ATF7: variants seen among roughly 807,000 people sequenced by gnomAD.
ATF7 encodes activating transcription factor 7.
In ATF7, 10 loss-of-function variants were observed where a neutral mutation model predicts 50.4. The ratio of observed to expected loss-of-function variants is 0.20; its 90% CI spans 0.12 to 0.34. The LOEUF (loss-of-function observed/expected upper bound fraction) is 0.34. Ranked by LOEUF, ATF7 falls within the 10% of genes least tolerant of loss-of-function variation. The pLI, the probability that ATF7 is intolerant of heterozygous loss-of-function variation, is 1.00. For missense variants in ATF7, 465 were observed against 613.9 expected (o/e 0.76, Z 2.56); for synonymous variants, 201 against 226.4 (o/e 0.89, Z 1.01).
chr12:53,573,907 G>A (rs886509201), intron 2 of ATF7, among the ~76,000 whole-genome samples: 2 of 152,164 alleles, frequency 1.3e-5, no homozygotes, highest in African/African-American at 4.8e-5. Context: ...TTATAGTCCA[G>A]GGCATAGGCT....
intron 1 of ATF7, among the ~76,000 whole-genome samples, chr12:53,621,333 G>C (rs1189071462): frequency 6.6e-6 from 1 of 152,016 alleles, no homozygotes; most frequent in Non-Finnish European, 1.5e-5. Context: ...GTTTACCAGT[G>C]ACCTAAAACA....
chr12:53,591,214 T>C (rs982465672), intron 2 of ATF7, among the ~76,000 whole-genome samples: 3 of 152,000 alleles, frequency 2.0e-5, no homozygotes, highest in Non-Finnish European at 2.9e-5. Context: ...TTTTTTTAAA[T>C]AGAGGAAACA....
chr12:53,509,396 A>G (rs576265996), downstream of ATF7, among the ~76,000 whole-genome samples: 7 of 151,498 alleles, frequency 4.6e-5, no homozygotes, highest in Non-Finnish European at 8.8e-5. Context: ...TGTGACTTCT[A>G]CTCGGGGTCT....
At position 53,524,479 on chromosome 12, in the gene ATF7, T is replaced by G; in HGVS notation, c.1125+85A>C. 6.9e-7 allele frequency: 1 copy of G among 1,442,056 alleles called. No homozygotes were observed. The allele number at this position is 1,442,056 out of a possible 1,614,324, so 89.3% of individuals were successfully genotyped here. A position where few individuals can be genotyped will look rare whatever the true frequency, so the allele number is the denominator to read the frequency against. ...TGTCCTAATTAGAGAATTACCATCTTCTATCAAATTGTACCACTTTTTTCT... is the reference window on the plus strand; with the variant it reads ...TGTCCTAATTAGAGAATTACCATCTGCTATCAAATTGTACCACTTTTTTCT... On this transcript the variant is annotated intron_variant, in intron 10 of 11. Coordinates refer to ENST00000420353, the MANE Select transcript of ATF7 (RefSeq NM_006856.3). This position sits in a 1 kb window ranked among gnomAD's most constrained non-coding sequence, Gnocchi z 4.6.
At chr12:53,619,108 A>T (rs1944270787) in intron 1 of ATF7, among the ~76,000 whole-genome samples, 1 of 152,102 alleles carries the variant, frequency 6.6e-6, no homozygotes, top group African/African-American at 2.4e-5. Flanking sequence ...AGATGTCAAC[A>T]TTACAGGGAA....
At chr12:53,595,642 G>A (rs1268115636) in intron 2 of ATF7, among the ~76,000 whole-genome samples, 1 of 152,178 alleles carries the variant, frequency 6.6e-6, no homozygotes, top group Non-Finnish European at 1.5e-5. Context: ...AGGATACGAA[G>A]CAATAAACAG....
chr12:53,615,277 G>A (rs1169663550), intron 1 of ATF7, among the ~76,000 whole-genome samples: 8 of 152,014 alleles, frequency 5.3e-5, no homozygotes, highest in African/African-American at 1.2e-4. Flanking sequence ...CCAGCTACTC[G>A]GGAGGCTGAG....
Position 53,524,767 on chromosome 12 carries a change from G to A in ATF7, c.928-6C>T, listed in dbSNP as rs758466767. 6 of 1,588,098 alleles carry A rather than the reference G, an allele frequency of 3.8e-6. No individual in the cohort carries two copies. Among genetic ancestry groups the A allele is most frequent in the Admixed American group, 1.8e-5 (1 of 55,482 alleles). ...GTGGGCTGAGCTGGTGAGACCTGGT[G>A]CCCAGGAAGGAAGAGAGGTTACTTG... On this transcript the variant is annotated splice_polypyrimidine_tract_variant and splice_region_variant and intron_variant, in intron 9 of 11. Coordinates refer to ENST00000420353, the MANE Select transcript of ATF7 (RefSeq NM_006856.3). This position sits in a 1 kb window ranked among gnomAD's most constrained non-coding sequence, Gnocchi z 4.6.
chr12:53,558,017 G>A lies in ATF7; in HGVS notation c.49-5380C>T, dbSNP rs547393422. ...ATCAAAACTTACCTATGTGGCTCAC[G>A]TTTGTGGTTTGCATTGTATTTCTTT... is the stretch of plus-strand genomic sequence containing the variant. On this transcript the variant is annotated intron_variant, in intron 2 of 11. Coordinates refer to ENST00000420353, the MANE Select transcript of ATF7 (RefSeq NM_006856.3). Among the ~76,000 whole-genome samples, 10 of 152,212 alleles carry A rather than the reference G, an allele frequency of 6.6e-5. No homozygotes were observed. The South Asian group carries it at 2.1e-3, about 32-fold the overall frequency.
intron 1 of ATF7, among the ~76,000 whole-genome samples, chr12:53,602,435 C>T (rs1305849075): frequency 6.6e-6 from 1 of 152,182 alleles, no homozygotes; most frequent in African/African-American, 2.4e-5. Flanking sequence ...TCTCTTAGGA[C>T]TCACTGTGGG....
rs193214220 is a variant in ATF7 at position 53,619,594 on chromosome 12, C to A, written c.-22+6685G>T. ...TTGGGAGGCCAAAGCAGGCAGATCA[C>A]CTGAACTTAGGAATTCAAGACCAGC... On this transcript the variant is annotated intron_variant, in intron 1 of 11. Transcript: ENST00000420353. Among the ~76,000 whole-genome samples the A allele has an allele frequency of 6.0e-3, 915 of 151,760 alleles. 11 individuals are homozygous for A. Among genetic ancestry groups the A allele is most frequent in the African/African-American group, 0.021 (883 of 41,360 alleles).
chr12:53,539,172 C>G (rs1469352654), intron 4 of ATF7, among the ~76,000 whole-genome samples: 2 of 152,208 alleles, frequency 1.3e-5, no homozygotes, highest in Non-Finnish European at 2.9e-5. Context: ...AAAGGGCTGA[C>G]TATAAACTAG....
chr12:53,519,758 A>AT (rs1369509573), intron 11 of ATF7, among the ~76,000 whole-genome samples: 2 of 151,878 alleles, frequency 1.3e-5, no homozygotes, highest in East Asian at 1.9e-4. Flanking sequence ...TTTTTTTGGT[A>AT]TTTTTTTAGA....
chr12:53,533,226 A>C lies in ATF7; in HGVS notation c.594T>G (p.His198Gln). 6.2e-7 allele frequency: 1 copy of C among 1,613,864 alleles called. No individual in the cohort carries two copies. The highest frequency in any genetic ancestry group is 8.5e-7 in the Non-Finnish European group (1 of 1,179,786). ...CAGGCATGGTCTGTCCATTAGCAAG[A>C]TGCATGACAAGAGGGAGGGAGCCAG... is the stretch of plus-strand genomic sequence containing the variant. Reference protein sequence around the residue: ...SPTGSLPLVMHLANGQTMPVL... With the variant: ...SPTGSLPLVMQLANGQTMPVL... Residue 198 changes from histidine to glutamine, a missense_variant, in exon 7 of 12, where the codon CAT becomes CAG. Transcript: ENST00000420353.
intron 3 of ATF7, among the ~76,000 whole-genome samples, chr12:53,546,775 T>C (rs1939948482): frequency 1.3e-5 from 2 of 151,368 alleles, no homozygotes; most frequent in South Asian, 4.2e-4. Flanking sequence ...TTTCTTTTTT[T>C]GAGACAAGAT....
intron 2 of ATF7, among the ~76,000 whole-genome samples, chr12:53,556,017 T>C (rs1180533180): frequency 1.3e-5 from 2 of 152,026 alleles, no homozygotes; most frequent in Non-Finnish European, 2.9e-5. Flanking sequence ...GATTTCACCA[T>C]GTTGGCCAAG....
At chr12:53,567,376 T>A (rs1209252278) in intron 2 of ATF7, among the ~76,000 whole-genome samples, 1 of 152,156 alleles carries the variant, frequency 6.6e-6, no homozygotes, top group Non-Finnish European at 1.5e-5. Context: ...CACCTTACAA[T>A]GCTGCTTTGG....
chr12:53,523,248 G>T, intron 11 of ATF7, 28 bp downstream of exon 11: 1 of 1,482,066 alleles, frequency 6.7e-7, no homozygotes, highest in South Asian at 1.1e-5. Context: ...CTGACTGACT[G>T]ACTTAGCTTA....
At chr12:53,623,740 A>G (rs1405970325) in intron 1 of ATF7, among the ~76,000 whole-genome samples, 1 of 152,204 alleles carries the variant, frequency 6.6e-6, no homozygotes, top group African/African-American at 2.4e-5. Flanking sequence ...GACATGCACA[A>G]AACAATAACT....
Sources: allele counts gnomAD v4.1 joint callset (sites outside exome capture counted in the v4.1 genomes callset), GRCh38; gene constraint gnomAD v4.1.1; non-coding constraint Gnocchi (gnomAD v3.1); transcripts MANE v1.5; gene names NCBI Gene and HGNC (gene_info 2026-07-23, HGNC 2026-07-21).